Variants in TSEN2 observed in about 807,000 individuals in gnomAD.
TSEN2 encodes tRNA splicing endonuclease subunit 2.
In TSEN2, 54 loss-of-function variants were observed where a neutral mutation model predicts 59.2. The ratio of observed to expected loss-of-function variants is 0.91; its 90% confidence interval spans 0.73 to 1.14. TSEN2 has a LOEUF of 1.14. Among genes scored for constraint, TSEN2 ranks in the 50% most tolerant of loss-of-function variants. The pLI, the probability that TSEN2 is intolerant of heterozygous loss-of-function variation, is 0.00. For missense variants in TSEN2, 636 were observed against 576.2 expected, an observed-to-expected ratio of 1.10 and a Z score of -1.06; for synonymous variants, 195 against 198.2, an observed-to-expected ratio of 0.98 and a Z score of 0.14.
At chr3:12,496,172 C>G (rs2053728334) in intron 3 of TSEN2, among the ~76,000 whole-genome samples, 1 of 152,222 alleles carries the variant, frequency 6.6e-6, no homozygotes, top group South Asian at 2.1e-4. Context: ...GTGCATACCT[C>G]TAGGGCCTCA....
chr3:12,514,470 G>T (rs1281468745), intron 6 of TSEN2, among the ~76,000 whole-genome samples: 1 of 152,096 alleles, frequency 6.6e-6, no homozygotes, highest in Non-Finnish European at 1.5e-5. Context: ...ACTGTAGAGG[G>T]CTCAGAACAG....
chr3:12,506,732 CT>C (rs2054879821), intron 6 of TSEN2: 1 of 985,204 alleles, frequency 1.0e-6, no homozygotes, highest in South Asian at 4.7e-5. Context: ...TCTTTTCTGC[CT>C]TTGAAGCTAG....
At chr3:12,528,615 G>T (rs1330609239) in intron 8 of TSEN2, among the ~76,000 whole-genome samples, 1 of 152,216 alleles carries the variant, frequency 6.6e-6, no homozygotes, top group Admixed American at 6.5e-5. Context: ...GGCAACTCAG[G>T]AGGCTGAGTG....
At chr3:12,521,869 G>A (rs899858135) in intron 8 of TSEN2, among the ~76,000 whole-genome samples, 8 of 152,094 alleles carry the variant, frequency 5.3e-5, no homozygotes, top group African/African-American at 1.9e-4. Context: ...AAATTAGCCA[G>A]ACGTGGTGGC....
intron 3 of TSEN2, among the ~76,000 whole-genome samples, chr3:12,492,659 CT>C (rs753203050): frequency 9.9e-5 from 15 of 152,128 alleles, no homozygotes; most frequent in East Asian, 5.8e-4. Flanking sequence ...ATGGTAATTA[CT>C]TAAGAACCAA....
chr3:12,496,373 A>T (rs2053749365), intron 3 of TSEN2, 145 bp from the exon 4 acceptor site: 4 of 821,298 alleles, frequency 4.9e-6, no homozygotes, highest in Non-Finnish European at 8.3e-6. Context: ...CATAGAAAGC[A>T]TATTTTTGCC....
chr3:12,486,566 A>G (rs893414349), intron 1 of TSEN2, among the ~76,000 whole-genome samples: 2 of 152,232 alleles, frequency 1.3e-5, no homozygotes, highest in Non-Finnish European at 2.9e-5. Context: ...GAGATACCAT[A>G]TAATTCTGTA....
In TSEN2 at chr3:12,507,162, C is replaced by T. The variant is rs2054923669; in HGVS notation, c.909+1931C>T. Among the ~76,000 whole-genome samples the T allele has an allele frequency of 2.0e-5, 3 of 152,146 alleles. No individual in the cohort carries two copies. In the South Asian group the frequency reaches 6.2e-4, roughly 32 times the overall value. On this transcript the variant is annotated intron_variant, in intron 6 of 11. Transcript: ENST00000284995. ...AAGCTGAGATTGCACCACTGCACTC[C>T]AGCCTAGGTGAAAGAGTAAGACTCC...
intron 11 of TSEN2, 99 bp downstream of exon 11, chr3:12,531,758 G>T (rs909910789): frequency 3.5e-6 from 3 of 865,256 alleles, no homozygotes; most frequent in Non-Finnish European, 5.7e-6. Flanking sequence ...ATACAGTTTT[G>T]CCTTGGTAAC....
intron 8 of TSEN2, among the ~76,000 whole-genome samples, chr3:12,527,080 G>C (rs534377189): frequency 6.6e-6 from 1 of 152,318 alleles, no homozygotes; most frequent in African/African-American, 2.4e-5. Context: ...GTTCACTTTT[G>C]TTCCAGTACA....
At chr3:12,492,826 A>G (rs1328336872) in intron 3 of TSEN2, among the ~76,000 whole-genome samples, 1 of 152,180 alleles carries the variant, frequency 6.6e-6, no homozygotes, top group African/African-American at 2.4e-5. Context: ...TCAGAAACAG[A>G]CCTTCTCTTG....
At chr3:12,490,455 G>C (rs1481077778) in intron 2 of TSEN2, among the ~76,000 whole-genome samples, 2 of 152,100 alleles carry the variant, frequency 1.3e-5, no homozygotes, top group Non-Finnish European at 2.9e-5. Context: ...GCTGCCTCCT[G>C]GTTGGGGACC....
At chr3:12,513,985 C>G (rs2055781447) in intron 6 of TSEN2, among the ~76,000 whole-genome samples, 1 of 152,156 alleles carries the variant, frequency 6.6e-6, no homozygotes, top group Admixed American at 6.5e-5. Flanking sequence ...TTTTGTCTTT[C>G]AACACAAGCA....
chr3:12,517,926 T>C (rs1643997473), intron 7 of TSEN2, among the ~76,000 whole-genome samples: 1 of 151,760 alleles, frequency 6.6e-6, no homozygotes, highest in South Asian at 2.1e-4. Flanking sequence ...ATTTTTGCAT[T>C]AGGAACAACT....
chr3:12,488,776 A>G (rs1230610680), intron 1 of TSEN2, among the ~76,000 whole-genome samples: 1 of 152,216 alleles, frequency 6.6e-6, no homozygotes, highest in Non-Finnish European at 1.5e-5. Context: ...ATTTTGAGAA[A>G]GAGTCATCAG....
At chr3:12,529,694 G>A (rs967595322) in intron 9 of TSEN2, 68 bp from the exon 10 acceptor site, 15 of 1,414,192 alleles carry the variant, frequency 1.1e-5, no homozygotes, top group Admixed American at 8.7e-5. Flanking sequence ...TTCTTGGTAG[G>A]ACAAATATTC....
chr3:12,517,293 G>A (rs921488251), intron 7 of TSEN2, among the ~76,000 whole-genome samples: 7 of 146,726 alleles, frequency 4.8e-5, no homozygotes, highest in African/African-American at 1.8e-4. Flanking sequence ...GGGAGGTGGA[G>A]GTTGCAATGA....
At chr3:12,486,380 A>G (rs751035498) in intron 1 of TSEN2, among the ~76,000 whole-genome samples, 5 of 152,194 alleles carry the variant, frequency 3.3e-5, no homozygotes, top group African/African-American at 9.7e-5. Context: ...CCATGAAACT[A>G]GAGATCATCT....
chr3:12,531,126 G>A (rs1017629160), intron 10 of TSEN2: 1 of 163,622 alleles, frequency 6.1e-6, no homozygotes, highest in Non-Finnish European at 1.3e-5. Context: ...ACTGTCACAA[G>A]AACAGCATGG....
Sources: gnomAD v4.1 joint callset for allele counts (sites outside exome capture counted in the v4.1 genomes callset) on GRCh38, gnomAD v4.1.1 for gene constraint, MANE v1.5 for transcripts, NCBI Gene and HGNC (gene_info 2026-07-23, HGNC 2026-07-21) for gene names.